ZBTB16: variants seen among roughly 807,000 people sequenced by gnomAD.
The protein encoded by ZBTB16 is zinc finger and BTB domain-containing protein 16.
In ZBTB16, 8 loss-of-function variants were observed where a neutral mutation model predicts 56.8. That is an observed-to-expected ratio of 0.14 (90% CI 0.08 to 0.25). The LOEUF (loss-of-function observed/expected upper bound fraction) is 0.25. Among genes scored for constraint, ZBTB16 ranks in the 10% least tolerant of loss-of-function variants. The pLI, the probability that ZBTB16 is intolerant of heterozygous loss-of-function variation, is 1.00. For missense variants in ZBTB16, 625 were observed against 903.0 expected, an observed-to-expected ratio of 0.69 and a Z score of 3.95; for synonymous variants, 363 against 368.5, an observed-to-expected ratio of 0.98 and a Z score of 0.17.
intron 4 of ZBTB16, among the ~76,000 whole-genome samples, chr11:114,239,310 T>C (rs910557059): frequency 6.6e-6 from 1 of 152,098 alleles, no homozygotes; most frequent in African/African-American, 2.4e-5. Context: ...AAGCCTTGGC[T>C]CTTAAAGGGC....
At chr11:114,083,790 C>CA in intron 2 of ZBTB16, among the ~76,000 whole-genome samples, 1 of 151,964 alleles carries the variant, frequency 6.6e-6, no homozygotes, top group African/African-American at 2.4e-5. Flanking sequence ...TTCTTGATGC[C>CA]GCCCCCCCGC....
chr11:114,128,429 T>C (rs1472855672), intron 2 of ZBTB16, among the ~76,000 whole-genome samples: 1 of 152,060 alleles, frequency 6.6e-6, no homozygotes, highest in East Asian at 1.9e-4. Context: ...TCAGACAGTC[T>C]GGGGTTTGAA....
intron 2 of ZBTB16, among the ~76,000 whole-genome samples, chr11:114,104,402 A>G (rs114735205): frequency 0.033 from 4,953 of 152,246 alleles, 267 homozygotes; most frequent in African/African-American, 0.11. Flanking sequence ...CAAGATGTAA[A>G]CATTTCTTAC....
intron 4 of ZBTB16, among the ~76,000 whole-genome samples, chr11:114,233,287 G>A (rs536119381): frequency 2.6e-5 from 4 of 152,100 alleles, no homozygotes; most frequent in South Asian, 2.1e-4. Context: ...ATTAGTCTCT[G>A]CTGATGTGCT....
At chr11:114,223,662 G>A (rs956770693) in intron 4 of ZBTB16, among the ~76,000 whole-genome samples, 6 of 152,178 alleles carry the variant, frequency 3.9e-5, no homozygotes, top group Admixed American at 3.3e-4. Context: ...GTCTTCATGG[G>A]TTTCATGCCT....
chr11:114,123,944 G>A (rs1941416840), intron 2 of ZBTB16, among the ~76,000 whole-genome samples: 1 of 152,180 alleles, frequency 6.6e-6, no homozygotes, highest in East Asian at 1.9e-4. Flanking sequence ...ACAGAGACCA[G>A]ATGATGAATA....
Position 114,238,712 on chromosome 11 carries a change from C to G in ZBTB16, c.1454-3455C>G, listed in dbSNP as rs150182377. 2.4e-3 allele frequency among the ~76,000 whole-genome samples: 362 copies of G among 152,230 alleles called. 1 individual carries two copies. The highest frequency in any genetic ancestry group is 7.6e-3 in the African/African-American group (316 of 41,524). ...GTAGAATAAAGTCCAACCTGTCCTG[C>G]CTGGCATATGCAGCCCTCTGATCTG... On this transcript the variant is annotated intron_variant, in intron 4 of 6. Coordinates refer to ENST00000335953, the MANE Select transcript of ZBTB16 (RefSeq NM_006006.6).
In ZBTB16 at chr11:114,064,774, G is replaced by C. The variant is rs953344731; in HGVS notation, c.1268+206G>C. Among the ~76,000 whole-genome samples the C allele has an allele frequency of 6.6e-6, 1 of 152,188 alleles. No individual in the cohort carries two copies. The highest frequency in any genetic ancestry group is 1.5e-5 in the Non-Finnish European group (1 of 68,036). On this transcript the variant is annotated intron_variant, in intron 2 of 6. Coordinates refer to ENST00000335953, the MANE Select transcript of ZBTB16 (RefSeq NM_006006.6). This position sits in a 1 kb window ranked among gnomAD's most constrained non-coding sequence, Gnocchi z 4.2. ...AGGGGGCCTAGGATCTTTCCAAAAA[G>C]CACCAGGGGACACTCATGGGCGCAG...
At position 114,250,729 on chromosome 11, in the gene ZBTB16, C is replaced by T; in HGVS notation, c.*174C>T. On this transcript the variant is annotated 3_prime_UTR_variant, in exon 7 of 7. Coordinates refer to ENST00000335953, the MANE Select transcript of ZBTB16 (RefSeq NM_006006.6). The surrounding 1 kb of genome is among the most constrained non-coding windows in gnomAD (Gnocchi z 6.0). ...CTCTGGGCTCCAGATGACCTGGATG[C>T]CAAGCCACTGCCCCTCCTCTGGGGG... is the stretch of plus-strand genomic sequence containing the variant. 7.2e-6 allele frequency: 5 copies of T among 696,208 alleles called. No homozygotes were observed. In the South Asian group the frequency reaches 9.6e-5, roughly 13 times the overall value. 43.1% of individuals were successfully genotyped at this position (696,208 alleles called of 1,614,324 possible). A position where few individuals can be genotyped will look rare whatever the true frequency, so the allele number is the denominator to read the frequency against.
chr11:114,225,885 T>C (rs927884767), intron 4 of ZBTB16, among the ~76,000 whole-genome samples: 23 of 152,210 alleles, frequency 1.5e-4, no homozygotes, highest in Admixed American at 2.0e-4. Context: ...TCATATATTA[T>C]CTCTAATCTG....
At chr11:114,216,397 T>C (rs79547977) in intron 4 of ZBTB16, among the ~76,000 whole-genome samples, 4,214 of 152,238 alleles carry the variant, frequency 0.028, 180 homozygotes, top group African/African-American at 0.095. Context: ...CCACCCTTAC[T>C]AGGCTGATAA....
intron 2 of ZBTB16, among the ~76,000 whole-genome samples, chr11:114,095,409 C>A (rs866247512): frequency 6.6e-6 from 1 of 151,668 alleles, no homozygotes; most frequent in South Asian, 2.1e-4. Flanking sequence ...TACAGGCGCC[C>A]GCCACCACGC....
Position 114,063,992 on chromosome 11 carries a change from G to C in ZBTB16, c.692G>C (p.Gly231Ala), listed in dbSNP as rs1939002821. 6.2e-7 allele frequency: 1 copy of C among 1,613,550 alleles called. No individual in the cohort carries two copies. Among genetic ancestry groups the C allele is most frequent in the East Asian group, 2.2e-5 (1 of 44,858 alleles). ...PAGPEEPTLA[G>A]GGRHPGVAEV... ...GGGCCCGAGGAGCCAACTCTGGCTG[G>C]GGGTGGGCGGCACCCTGGGGTGGCT... Residue 231 changes from glycine (G) to alanine (A), a missense_variant, in exon 2 of 7, where the codon GGG becomes GCG. By Grantham distance (60) the Gly-to-Ala change is moderately conservative. Transcript: ENST00000335953. The surrounding 1 kb of genome is among the most constrained non-coding windows in gnomAD (Gnocchi z 6.5).
At chr11:114,235,624 C>T (rs1014504950) in intron 4 of ZBTB16, among the ~76,000 whole-genome samples, 1 of 125,156 alleles carries the variant, frequency 8.0e-6, no homozygotes, top group Non-Finnish European at 1.7e-5. Context: ...CTTTCCCTCT[C>T]CCTTCCTTTC....
chr11:114,185,551 C>T (rs1265618951), intron 3 of ZBTB16, among the ~76,000 whole-genome samples: 5 of 152,138 alleles, frequency 3.3e-5, no homozygotes, highest in South Asian at 2.1e-4. Context: ...TGAGTAAGAA[C>T]GTGTGAGGAA....
rs567626601 is a variant in ZBTB16, at chr11:114,146,705, T to C, written c.1269-9632T>C. Among the ~76,000 whole-genome samples the C allele has an allele frequency of 2.0e-5, 3 of 151,814 alleles. No individual in the cohort carries two copies. In the East Asian group the frequency reaches 5.8e-4, roughly 30 times the overall value. On this transcript the variant is annotated intron_variant, in intron 2 of 6. Coordinates refer to ENST00000335953, the MANE Select transcript of ZBTB16 (RefSeq NM_006006.6). ...TACTAAAAATTAAAAAAAAATCAGC[T>C]GGGCATGGTGGCTCATGCCTGTAGT...
chr11:114,111,810 A>G (rs770602687), intron 2 of ZBTB16, among the ~76,000 whole-genome samples: 1 of 152,164 alleles, frequency 6.6e-6, no homozygotes, highest in African/African-American at 2.4e-5. Flanking sequence ...TTAATCTGCA[A>G]CCTAGTTTTT....
chr11:114,061,387 T>G (rs770798674), intron 1 of ZBTB16: 7 of 152,224 alleles, frequency 4.6e-5, no homozygotes, highest in Non-Finnish European at 1.0e-4. Flanking sequence ...GAAACCCCGA[T>G]GTCTGCGGGA....
intron 2 of ZBTB16, among the ~76,000 whole-genome samples, chr11:114,127,935 C>A (rs79544823): frequency 1.3e-5 from 2 of 152,106 alleles, no homozygotes; most frequent in Non-Finnish European, 2.9e-5. Context: ...GCCGTCTCCC[C>A]CTTGGAAGGC....
Sources: gnomAD v4.1 joint callset for allele counts (sites outside exome capture counted in the v4.1 genomes callset) on GRCh38, gnomAD v4.1.1 for gene constraint, Gnocchi (gnomAD v3.1) non-coding constraint, MANE v1.5 for transcripts, NCBI Gene and HGNC (gene_info 2026-07-23, HGNC 2026-07-21) for gene names.